KHDRBS1: variants seen among roughly 807,000 people sequenced by gnomAD.
The protein encoded by KHDRBS1 is KH domain-containing, RNA-binding, signal transduction-associated protein 1.
In KHDRBS1, 7 loss-of-function variants were observed where a neutral mutation model predicts 48.4. The ratio of observed to expected loss-of-function variants is 0.14; its 90% CI spans 0.08 to 0.27. The LOEUF (loss-of-function observed/expected upper bound fraction) is 0.27. KHDRBS1 is among the 10% of genes least tolerant of loss of function. KHDRBS1 has a pLI of 1.00. For missense variants in KHDRBS1, 458 were observed against 601.2 expected, an observed-to-expected ratio of 0.76 and a Z score of 2.49; for synonymous variants, 241 against 235.8, an observed-to-expected ratio of 1.02 and a Z score of -0.20.
At chr1:32,055,752 C>A (rs537439260) in intron 10 of KHDRBS1, among the ~76,000 whole-genome samples, 1 of 152,172 alleles carries the variant, frequency 6.6e-6, no homozygotes, top group South Asian at 2.1e-4. Context: ...GCACCCTAGT[C>A]CTATTGTAGC....
At chr1:32,059,133 C>T (rs1363107313) in intron 10 of KHDRBS1, among the ~76,000 whole-genome samples, 2 of 146,746 alleles carry the variant, frequency 1.4e-5, no homozygotes, top group African/African-American at 5.1e-5. Flanking sequence ...TGCACTCCAG[C>T]CTGAGTGACA....
intron 10 of KHDRBS1, among the ~76,000 whole-genome samples, chr1:32,057,995 G>A (rs1166757279): frequency 1.3e-5 from 2 of 151,850 alleles, no homozygotes; most frequent in Non-Finnish European, 2.9e-5. Context: ...GCGGGCGCCT[G>A]TAATCCCAGC....
intron 4 of KHDRBS1, among the ~76,000 whole-genome samples, chr1:32,036,061 T>C (rs1027640312): frequency 5.9e-5 from 9 of 152,298 alleles, no homozygotes; most frequent in Non-Finnish European, 2.9e-5. Context: ...CTGCCATTTA[T>C]TAGCTCTGTG....
rs577439542 is a variant in KHDRBS1, at chr1:32,025,927, A to ATATT, written c.383-4345_383-4342dup. ...ACCCAGCTAATTTAAATATATATAT[A>ATATT]TATTTATTTATTTATTTATTTATTT... is the stretch of plus-strand genomic sequence containing the variant. On this transcript the variant is annotated intron_variant, in intron 1 of 8. Transcript: ENST00000327300. Among the ~76,000 whole-genome samples, 775 of 146,538 alleles carry ATATT rather than the reference A, an allele frequency of 5.3e-3. 8 individuals are homozygous for ATATT. The highest frequency in any genetic ancestry group is 0.013 in the African/African-American group (523 of 38,972).
At chr1:32,057,637 A>C (rs1639494990) in intron 10 of KHDRBS1, among the ~76,000 whole-genome samples, 1 of 150,402 alleles carries the variant, frequency 6.6e-6, no homozygotes, top group East Asian at 2.0e-4. Flanking sequence ...GTCTCTACTA[A>C]AAATACAAAA....
At chr1:32,034,433 G>A (rs565309946) in intron 4 of KHDRBS1, among the ~76,000 whole-genome samples, 173 of 152,258 alleles carry the variant, frequency 1.1e-3, no homozygotes, top group Admixed American at 3.5e-3. Context: ...GGTGGCACAT[G>A]CCTGTAATCC....
rs188791054 is a variant in KHDRBS1, at chr1:32,036,056, A to G, written c.772-854A>G. Among the ~76,000 whole-genome samples, 384 of 151,522 alleles carry G rather than the reference A, an allele frequency of 2.5e-3. 2 individuals carry two copies. The highest frequency in any genetic ancestry group is 3.5e-3 in the Non-Finnish European group (238 of 67,960). On this transcript the variant is annotated intron_variant, in intron 4 of 8. Transcript: ENST00000327300. Reference sequence around the variant, plus strand: ...TCTGAATTCACATCTAGAGTCTGCCATTTATTAGCTCTGTGTTCTTAAGCT... The same window carrying G: ...TCTGAATTCACATCTAGAGTCTGCCGTTTATTAGCTCTGTGTTCTTAAGCT...
At chr1:32,024,409 C>G (rs1375266636) in intron 1 of KHDRBS1, among the ~76,000 whole-genome samples, 1 of 152,074 alleles carries the variant, frequency 6.6e-6, no homozygotes, top group African/African-American at 2.4e-5. Flanking sequence ...CTCCTGGGCT[C>G]AAGTGATCGT....
At chr1:32,032,025 T>A (rs1444878939) in intron 3 of KHDRBS1, among the ~76,000 whole-genome samples, 3 of 152,086 alleles carry the variant, frequency 2.0e-5, no homozygotes, top group Admixed American at 2.0e-4. Flanking sequence ...CCTGGAAAAG[T>A]GAGAACAATA....
At chr1:32,020,401 G>T (rs926333352) in intron 1 of KHDRBS1, among the ~76,000 whole-genome samples, 3 of 150,674 alleles carry the variant, frequency 2.0e-5, no homozygotes, top group African/African-American at 7.3e-5. Context: ...ACTCCAGCTT[G>T]GGCAACAGTG....
intron 4 of KHDRBS1, 132 bp from the exon 5 acceptor site, chr1:32,036,778 A>G: frequency 1.1e-6 from 1 of 894,416 alleles, no homozygotes; most frequent in East Asian, 2.7e-5. Flanking sequence ...TTGACTTCAG[A>G]GAAGGAATGA....
chr1:32,017,114 C>T (rs1263684439), intron 1 of KHDRBS1, among the ~76,000 whole-genome samples: 2 of 152,024 alleles, frequency 1.3e-5, no homozygotes, highest in African/African-American at 2.4e-5. Context: ...AAAAATTAGC[C>T]GGGCGTGGTG....
intron 8 of KHDRBS1, 37 bp from the exon 9 acceptor site, chr1:32,042,490 C>T: frequency 7.0e-7 from 1 of 1,436,104 alleles, no homozygotes; most frequent in Non-Finnish European, 9.8e-7. Flanking sequence ...AGTGCTGTCG[C>T]CACATGGTTT....
At chr1:32,048,044 T>C (rs1639376769), downstream of KHDRBS1, among the ~76,000 whole-genome samples, 1 of 152,222 alleles carries the variant, frequency 6.6e-6, no homozygotes, top group South Asian at 2.1e-4. Context: ...ATAGGAAACA[T>C]TACTTCCAAA....
chr1:32,047,756 T>A (rs991347761), downstream of KHDRBS1, among the ~76,000 whole-genome samples: 5 of 152,160 alleles, frequency 3.3e-5, no homozygotes, highest in African/African-American at 4.8e-5. Flanking sequence ...AATGCAGTAG[T>A]TTTTAGTATA....
chr1:32,038,629 G>A lies in KHDRBS1; in HGVS notation c.1175+10G>A. 1 of 1,613,590 alleles carries A rather than the reference G, an allele frequency of 6.2e-7. No homozygotes were observed. Among genetic ancestry groups the A allele is most frequent in the Non-Finnish European group, 8.5e-7 (1 of 1,179,616 alleles). On this transcript the variant is annotated intron_variant, in intron 7 of 8. Coordinates refer to ENST00000327300, the MANE Select transcript of KHDRBS1 (RefSeq NM_006559.3). ...ACAGCCAGAGTCAAGGGTGAGTCAG[G>A]CAGTATAAGCACTGTTTTTTGTCCT...
chr1:32,042,345 G>T (rs1317969686), intron 8 of KHDRBS1, among the ~76,000 whole-genome samples, 182 bp from the exon 9 acceptor site: 1 of 152,160 alleles, frequency 6.6e-6, no homozygotes, highest in African/African-American at 2.4e-5. Context: ...ACTCAAAACT[G>T]AAAAATTGCC....
At chr1:32,016,186 G>GAAAAA (rs576956025) in intron 1 of KHDRBS1, among the ~76,000 whole-genome samples, 1 of 84,810 alleles carries the variant, frequency 1.2e-5, no homozygotes, top group African/African-American at 4.0e-5. Context: ...CTCAAAAAAG[G>GAAAAA]AAAAAAAAAA....
At position 32,031,514 on chromosome 1, in the gene KHDRBS1, T is replaced by C. The variant is rs775962905; in HGVS notation, c.508-10T>C. The C allele has an allele frequency of 6.5e-7, 1 of 1,527,054 alleles. No homozygotes were observed. The highest frequency in any genetic ancestry group is 2.0e-5 in the Admixed American group (1 of 50,370). The allele number at this position is 1,527,054 out of a possible 1,614,324, so 94.6% of individuals were successfully genotyped here. Reference sequence around the variant, plus strand: ...GCATGTATATTTAGAAATCCTCTATTTTCTGTCAGTTCAATTTTGTGGGGA... The same window carrying C: ...GCATGTATATTTAGAAATCCTCTATCTTCTGTCAGTTCAATTTTGTGGGGA... On this transcript the variant is annotated splice_polypyrimidine_tract_variant and intron_variant, in intron 2 of 8. Transcript: ENST00000327300.
Sources: gnomAD v4.1 joint callset for allele counts (sites outside exome capture counted in the v4.1 genomes callset) on GRCh38, gnomAD v4.1.1 for gene constraint, MANE v1.5 for transcripts, NCBI Gene and HGNC (gene_info 2026-07-23, HGNC 2026-07-21) for gene names.